MYH8: variants seen among roughly 807,000 people sequenced by gnomAD.
The protein encoded by MYH8 is myosin heavy chain 8, also known as myosin-8.
In MYH8, 168 loss-of-function variants were observed where a neutral mutation model predicts 233.2. That is an observed-to-expected ratio of 0.72 (90% confidence interval 0.64 to 0.82). MYH8 has a LOEUF of 0.82. MYH8 is among the 40% of genes least tolerant of loss of function. MYH8 has a pLI of 0.00. For synonymous variants in MYH8, 785 were observed against 850.6 expected, an observed-to-expected ratio of 0.92 and a Z score of 1.34; for missense variants, 1,995 against 2,327.8, an observed-to-expected ratio of 0.86 and a Z score of 2.94.
chr17:10,390,521 G>A lies in MYH8; in HGVS notation c.5747C>T (p.Ala1916Val), dbSNP rs1404868874. The A allele has an allele frequency of 6.2e-7, 1 of 1,614,082 alleles. No homozygotes were observed. The highest frequency in any genetic ancestry group is 1.7e-5 in the Admixed American group (1 of 60,010). The change falls in exon 40 of 40, where the codon GCT becomes GTT. Residue 1916 changes from alanine to valine, a missense_variant. Ala to Val is a moderately conservative substitution (Grantham distance 64, BLOSUM62 0). Transcript: ENST00000403437. Reference protein sequence around the residue: ...LEEAEERADIAESQVNKLRVK... With the variant: ...LEEAEERADIVESQVNKLRVK... ...TCGCAATTTGTTGACCTGGGACTCAGCAATGTCAGCCCGTTCCTCGGCCTC... is the reference window on the plus strand; with the variant it reads ...TCGCAATTTGTTGACCTGGGACTCAACAATGTCAGCCCGTTCCTCGGCCTC...
chr17:10,408,983 G>A, intron 17 of MYH8, 114 bp downstream of exon 17: 1 of 946,618 alleles, frequency 1.1e-6, no homozygotes, highest in Non-Finnish European at 1.7e-6. Flanking sequence ...GACGAGAGCT[G>A]ATATTTGAAG....
rs1164941210 is a variant in MYH8, at chr17:10,396,545, G to A, written c.4528+8C>T. 6 of 1,613,764 alleles carry A rather than the reference G, an allele frequency of 3.7e-6. No individual in the cohort carries two copies. Among genetic ancestry groups the A allele is most frequent in the Non-Finnish European group, 5.1e-6 (6 of 1,179,906 alleles). ...ATATATGGAGTAGGGAGGACTGTGA[G>A]GACTCACGTTGCAAGTTCTTATTTT... On this transcript the variant is annotated splice_region_variant and intron_variant, in intron 32 of 39. Transcript: ENST00000403437. The surrounding 1 kb of genome is among the most constrained non-coding windows in gnomAD (Gnocchi z 4.2).
At chr17:10,391,814 A>G in intron 39 of MYH8, 68 bp downstream of exon 39, 1 of 1,183,922 alleles carries the variant, frequency 8.4e-7, no homozygotes, top group Non-Finnish European at 1.3e-6. Flanking sequence ...TTATTGACGC[A>G]TTCTCTTAAA....
Position 10,418,760 on chromosome 17 carries a change from C to A in MYH8, c.396G>T (p.Lys132Asn). The change falls in exon 5 of 40, where the codon AAG (lysine) becomes AAT (asparagine). Residue 132 changes from lysine (K) to asparagine (N), a missense_variant. By Grantham distance (94) the Lys-to-Asn change is moderately conservative (BLOSUM62 0). Coordinates refer to ENST00000403437, the MANE Select transcript of MYH8 (RefSeq NM_002472.3). ...GLFCVTVNPY[K>N]WLPVYKPEVV... ...CCTCGGGCTTGTACACCGGCAGCCA[C>A]TTGTAGGGGTTGACGGTGACACAGA... The A allele has an allele frequency of 6.2e-7, 1 of 1,613,904 alleles. No individual in the cohort carries two copies. Among genetic ancestry groups the A allele is most frequent in the Non-Finnish European group, 8.5e-7 (1 of 1,179,816 alleles).
chr17:10,399,988 G>A (rs1224793238), intron 27 of MYH8, among the ~76,000 whole-genome samples: 1 of 152,208 alleles, frequency 6.6e-6, no homozygotes, highest in East Asian at 1.9e-4. Context: ...CGGATCATGA[G>A]GTTAGGAGAT....
chr17:10,415,760 A>G lies in MYH8; in HGVS notation c.512-52T>C, dbSNP rs779633829. 1.3e-6 allele frequency: 2 copies of G among 1,550,600 alleles called. No individual in the cohort carries two copies. Among genetic ancestry groups the G allele is most frequent in the East Asian group, 4.6e-5 (2 of 43,464 alleles). ...TAAAAAATGCATATTTAATATGAAG[A>G]GTATTGAATCAGTTCAGATCAAACA... On this transcript the variant is annotated intron_variant, in intron 5 of 39. Coordinates refer to ENST00000403437, the MANE Select transcript of MYH8 (RefSeq NM_002472.3). The surrounding 1 kb of genome is among the most constrained non-coding windows in gnomAD (Gnocchi z 4.1).
Position 10,409,491 on chromosome 17 carries a change from T to G in MYH8, c.1685A>C (p.Lys562Thr). ...KNKLYDQHLG[K>T]SANFQKPKVV... ...CTTGGGCTTCTGGAAGTTGGCAGAC[T>G]TGCCCAGGTGCTGGTCATACAGCTT... is the stretch of plus-strand genomic sequence containing the variant. Residue 562 changes from lysine (K) to threonine (T), a missense_variant, in exon 16 of 40, where the codon AAG becomes ACG. Transcript: ENST00000403437. 6.2e-7 allele frequency: 1 copy of G among 1,614,234 alleles called. No individual in the cohort carries two copies. The highest frequency in any genetic ancestry group is 8.5e-7 in the Non-Finnish European group (1 of 1,180,042).
intron 17 of MYH8, among the ~76,000 whole-genome samples, chr17:10,408,115 A>G (rs1362478974): frequency 5.9e-5 from 9 of 151,622 alleles, no homozygotes; most frequent in African/African-American, 1.9e-4. Context: ...TAATTTTTAT[A>G]TTCTTAGTAA....
At chr17:10,393,761 G>A (rs932461967) in intron 35 of MYH8, among the ~76,000 whole-genome samples, 2 of 152,144 alleles carry the variant, frequency 1.3e-5, no homozygotes, top group Non-Finnish European at 2.9e-5. Flanking sequence ...TGACTAGGGG[G>A]TGCTACTGCA....
At position 10,400,931 on chromosome 17, in the gene MYH8, T is replaced by C; in HGVS notation, c.3283A>G (p.Ser1095Gly). The change falls in exon 26 of 40, where the codon AGC (serine) becomes GGC (glycine). Residue 1095 changes from serine (S) to glycine (G), a missense_variant. Physicochemically the swap from Ser to Gly is moderately conservative, Grantham distance 56. This residue lies in a region of MYH8 where 1,498 missense variants were observed against 1,680.9 expected (regional missense o/e 0.89). Transcript: ENST00000403437. The surrounding 1 kb of genome is among the most constrained non-coding windows in gnomAD (Gnocchi z 4.0). ...ACAGCTTGCTCATCTTCAATTTTGC[T>C]TATCAAATTGCTGATTTCAAATTCT... ...KKEFEISNLI[S>G]KIEDEQAVEI... 1 of 1,613,802 alleles carries C rather than the reference T, an allele frequency of 6.2e-7. No individual in the cohort carries two copies. The highest frequency in any genetic ancestry group is 8.5e-7 in the Non-Finnish European group (1 of 1,180,020).
intron 12 of MYH8, among the ~76,000 whole-genome samples, chr17:10,413,160 T>C (rs1226694840): frequency 6.6e-6 from 1 of 152,252 alleles, no homozygotes; most frequent in Non-Finnish European, 1.5e-5. Context: ...AATTTCTTTA[T>C]CTACAAATGT....
At chr17:10,412,211 A>G (rs1276165877) in intron 14 of MYH8, among the ~76,000 whole-genome samples, 159 bp downstream of exon 14, 2 of 152,198 alleles carry the variant, frequency 1.3e-5, no homozygotes, top group East Asian at 3.8e-4. Context: ...TATTATTAGT[A>G]GTACATTATG....
chr17:10,420,379 A>G, intron 2 of MYH8, 122 bp from the exon 3 acceptor site: 1 of 876,478 alleles, frequency 1.1e-6, no homozygotes, highest in Admixed American at 2.0e-5. Flanking sequence ...CCAAACTGGC[A>G]CTCCCCAGTG....
At chr17:10,405,451 A>C (rs2072184606) in intron 21 of MYH8, among the ~76,000 whole-genome samples, 1 of 152,224 alleles carries the variant, frequency 6.6e-6, no homozygotes, top group Admixed American at 6.5e-5. Flanking sequence ...ACCTTGACAC[A>C]AACCATAACG....
At position 10,414,399 on chromosome 17, in the gene MYH8, C is replaced by T. The variant is rs748146413; in HGVS notation, c.891G>A (p.Lys297=). The T allele has an allele frequency of 6.2e-6, 10 of 1,610,350 alleles. No homozygotes were observed. The Middle Eastern group carries it at 6.6e-4, about 106-fold the overall frequency. ...GTTCTTTCTTACCAATTAGATCTGG[C>T]TTCTTATTGGAAGTGATCTGATAAA... ...HIFYQITSNK[K]PDLIEMLLIT... Residue 297 remains lysine (K), a synonymous_variant, in exon 10 of 40, where the codon AAG becomes AAA. Transcript: ENST00000403437.
At chr17:10,393,842 A>G (rs1435725318) in intron 35 of MYH8, among the ~76,000 whole-genome samples, 1 of 152,208 alleles carries the variant, frequency 6.6e-6, no homozygotes, top group Non-Finnish European at 1.5e-5. Flanking sequence ...CAGCAGTGCT[A>G]AATGCTTAAG....
intron 14 of MYH8, among the ~76,000 whole-genome samples, chr17:10,411,538 G>C (rs1388163026): frequency 1.3e-5 from 2 of 152,110 alleles, no homozygotes; most frequent in African/African-American, 4.8e-5. Context: ...GTTCAACCAT[G>C]GTCCTGTGTT....
At chr17:10,410,090 A>G (rs1243860900) in intron 15 of MYH8, among the ~76,000 whole-genome samples, 1 of 152,052 alleles carries the variant, frequency 6.6e-6, no homozygotes, top group Non-Finnish European at 1.5e-5. Context: ...GATCACTTGA[A>G]CTCAGGAGTT....
Position 10,411,318 on chromosome 17 carries a change from G to A in MYH8, c.1417-371C>T, listed in dbSNP as rs138812088. On this transcript the variant is annotated intron_variant, in intron 14 of 39. Coordinates refer to ENST00000403437, the MANE Select transcript of MYH8 (RefSeq NM_002472.3). ...TTGAACCCTGGAGGTGGAGGTTGCAGTGAGCTGAGATCGCGCCACTGCACA... is the reference window on the plus strand; with the variant it reads ...TTGAACCCTGGAGGTGGAGGTTGCAATGAGCTGAGATCGCGCCACTGCACA... Among the ~76,000 whole-genome samples, 1,281 of 151,774 alleles carry A rather than the reference G, an allele frequency of 8.4e-3. 4 individuals carry two copies. Among genetic ancestry groups the A allele is most frequent in the Middle Eastern group, 0.021 (6 of 292 alleles).
Sources: allele counts gnomAD v4.1 joint callset (sites outside exome capture counted in the v4.1 genomes callset), GRCh38; gene constraint gnomAD v4.1.1; regional missense constraint gnomAD v4.1.1; non-coding constraint Gnocchi (gnomAD v3.1); transcripts MANE v1.5; gene names NCBI Gene and HGNC (gene_info 2026-07-23, HGNC 2026-07-21).